RPTOR: variants seen among roughly 807,000 people sequenced by gnomAD.
RPTOR encodes the protein regulatory-associated protein of mTOR.
In RPTOR, 21 loss-of-function variants were observed where a neutral mutation model predicts 169.9. The observed-to-expected ratio is 0.12, with a 90% CI of 0.09 to 0.18. The LOEUF (loss-of-function observed/expected upper bound fraction) is 0.18, where lower values mean the gene tolerates loss of function less well. Ranked by LOEUF, RPTOR falls within the 10% of genes least tolerant of loss-of-function variation. The pLI is 1.00. For missense variants in RPTOR, 1,133 were observed against 1,855.9 expected (o/e 0.61, Z 7.16); for synonymous variants, 732 against 753.2 (o/e 0.97, Z 0.46).
intron 29 of RPTOR, among the ~76,000 whole-genome samples, chr17:80,958,679 C>T (rs2069292089): frequency 6.6e-6 from 1 of 152,172 alleles, no homozygotes; most frequent in African/African-American, 2.4e-5. Flanking sequence ...TCCCAAAGTG[C>T]TGGGATTACA....
At chr17:80,612,529 G>A (rs1599601428) in intron 1 of RPTOR, among the ~76,000 whole-genome samples, 1 of 152,160 alleles carries the variant, frequency 6.6e-6, no homozygotes. Context: ...TTCCAGTGTC[G>A]AATTATCTGA....
At position 80,708,805 on chromosome 17, in the gene RPTOR, G is replaced by A. The variant is rs116489565; in HGVS notation, c.507+806G>A. On this transcript the variant is annotated intron_variant, in intron 4 of 33. Coordinates refer to ENST00000306801, the MANE Select transcript of RPTOR (RefSeq NM_020761.3). This position sits in a 1 kb window ranked among gnomAD's most constrained non-coding sequence, Gnocchi z 4.2. Reference sequence around the variant, plus strand: ...AAAGCAGTTCTTGGAGGGTGCGGTGGCCCCATATGTGCCTGAGCGTGTCTA... The same window carrying A: ...AAAGCAGTTCTTGGAGGGTGCGGTGACCCCATATGTGCCTGAGCGTGTCTA... 6.0e-5 allele frequency: 19 copies of A among 317,830 alleles called. No individual in the cohort carries two copies. The highest frequency in any genetic ancestry group is 8.6e-5 in the Non-Finnish European group (19 of 219,668). The allele number at this position is 317,830 out of a possible 1,614,324, so 19.7% of individuals were successfully genotyped here. A position where few individuals can be genotyped will look rare whatever the true frequency, so the allele number is the denominator to read the frequency against.
intron 3 of RPTOR, among the ~76,000 whole-genome samples, chr17:80,705,313 C>G (rs114037548): frequency 0.014 from 2,131 of 152,386 alleles, 53 homozygotes; most frequent in African/African-American, 0.049. Flanking sequence ...GGAGACCACT[C>G]TGTGGCTCTA....
At chr17:80,725,760 T>C (rs946467072) in intron 4 of RPTOR, among the ~76,000 whole-genome samples, 2 of 152,224 alleles carry the variant, frequency 1.3e-5, no homozygotes, top group Non-Finnish European at 2.9e-5. Flanking sequence ...TAATCAGGAT[T>C]CGCTATCAAA....
chr17:80,578,065 G>T (rs62068273), intron 1 of RPTOR, among the ~76,000 whole-genome samples: 1 of 152,178 alleles, frequency 6.6e-6, no homozygotes, highest in Non-Finnish European at 1.5e-5. Flanking sequence ...CTAAAGAAGC[G>T]CCCTCTTTAA....
At chr17:80,640,553 A>G (rs1829852276) in intron 2 of RPTOR, among the ~76,000 whole-genome samples, 1 of 152,168 alleles carries the variant, frequency 6.6e-6, no homozygotes, top group Admixed American at 6.5e-5. Context: ...CGGCCTGGTG[A>G]GCAGCTGACA....
At chr17:80,679,383 C>T (rs568886264) in intron 3 of RPTOR, among the ~76,000 whole-genome samples, 1 of 152,336 alleles carries the variant, frequency 6.6e-6, no homozygotes, top group Non-Finnish European at 1.5e-5. Context: ...AAGAGGCTTC[C>T]GCACAGCCAC....
At position 80,545,193 on chromosome 17, in the gene RPTOR, C is replaced by G. The variant is rs2084258776; in HGVS notation, c.-437C>G. Reference sequence around the variant, plus strand: ...CCGATCCCTTGGCCGGAGACCTCAGCCCAGTCGGCCCAGTGGGCGAACCGG... The same window carrying G: ...CCGATCCCTTGGCCGGAGACCTCAGGCCAGTCGGCCCAGTGGGCGAACCGG... On this transcript the variant is annotated 5_prime_UTR_variant, in exon 1 of 34. Transcript: ENST00000306801. 1 of 235,430 alleles carries G rather than the reference C, an allele frequency of 4.2e-6. No homozygotes were observed. The highest frequency in any genetic ancestry group is 5.6e-5 in the Admixed American group (1 of 17,884). The allele number at this position is 235,430 out of a possible 1,614,324, so 14.6% of individuals were successfully genotyped here. A position where few individuals can be genotyped will look rare whatever the true frequency, so the allele number is the denominator to read the frequency against.
rs147831830 is a variant in RPTOR, at chr17:80,559,358, T to C, written c.162+13567T>C. On this transcript the variant is annotated intron_variant, in intron 1 of 33. Transcript: ENST00000306801. ...TGCTGAGTGGTCGCCTCCTGACTGA[T>C]GCTGCCCTTTTGCCATACCTGTTTG... is the stretch of plus-strand genomic sequence containing the variant. Among the ~76,000 whole-genome samples, 9 of 152,308 alleles carry C rather than the reference T, an allele frequency of 5.9e-5. No homozygotes were observed. In the East Asian group the frequency reaches 1.7e-3, roughly 29 times the overall value.
At chr17:80,796,635 GAC>G (rs1248323023) in intron 7 of RPTOR, among the ~76,000 whole-genome samples, 5 of 152,210 alleles carry the variant, frequency 3.3e-5, no homozygotes, top group African/African-American at 1.2e-4. Context: ...TTTGGGTAGA[GAC>G]ACAGAGCCAA....
At chr17:80,897,587 C>T (rs1567975373) in intron 20 of RPTOR, among the ~76,000 whole-genome samples, 1 of 152,222 alleles carries the variant, frequency 6.6e-6, no homozygotes, top group Non-Finnish European at 1.5e-5. Flanking sequence ...TGGGGGCACC[C>T]AGCGTGGTAA....
intron 20 of RPTOR, among the ~76,000 whole-genome samples, chr17:80,903,939 G>C (rs1314403257): frequency 2.6e-5 from 4 of 152,258 alleles, no homozygotes; most frequent in South Asian, 4.1e-4. Flanking sequence ...GAAGACGGTG[G>C]TGAGAAAATG....
intron 5 of RPTOR, among the ~76,000 whole-genome samples, chr17:80,742,649 A>G (rs1162805035): frequency 6.6e-6 from 1 of 150,518 alleles, no homozygotes; most frequent in Non-Finnish European, 1.5e-5. Flanking sequence ...ATGTCCACAC[A>G]TATAAACACA....
At chr17:80,671,247 G>T (rs1416652417) in intron 3 of RPTOR, among the ~76,000 whole-genome samples, 1 of 152,178 alleles carries the variant, frequency 6.6e-6, no homozygotes, top group Non-Finnish European at 1.5e-5. Context: ...GCAGCCGATG[G>T]CCTTTCCTCC....
chr17:80,805,687 A>G (rs1274402661), intron 7 of RPTOR: 1 of 152,176 alleles, frequency 6.6e-6, no homozygotes, highest in Non-Finnish European at 1.5e-5. Flanking sequence ...ATAAAAAAGA[A>G]TCTGCTTTTC....
chr17:80,743,848 CTA>C lies in RPTOR; in HGVS notation c.655-10161_655-10160del, dbSNP rs1567887498. Among the ~76,000 whole-genome samples, 216 of 121,040 alleles carry C rather than the reference CTA, an allele frequency of 1.8e-3. 8 individuals carry two copies. The highest frequency in any genetic ancestry group is 6.6e-3 in the African/African-American group (200 of 30,336). The allele number at this position is 121,040 out of a possible 152,430, so 79.4% of individuals were successfully genotyped here. ...CTGGCTACTAGCACAGCCCTGGTTA[CTA>C]GCAGAGCCCTGGCTACTAGCACAGC... On this transcript the variant is annotated intron_variant, in intron 5 of 33. Coordinates refer to ENST00000306801, the MANE Select transcript of RPTOR (RefSeq NM_020761.3).
chr17:80,671,808 C>T (rs2065823959), intron 3 of RPTOR, among the ~76,000 whole-genome samples: 1 of 152,102 alleles, frequency 6.6e-6, no homozygotes, highest in Admixed American at 6.5e-5. Flanking sequence ...ATAGGTGTAA[C>T]CAGTAGGGGA....
rs2069415584 is a variant in RPTOR, at chr17:80,965,498, CAG to C, written c.*1170_*1171del. ...GGGCGTGTATGAGCAGTTTTGCAAA[CAG>C]AACACAACCACAATGATGGTATTTT... On this transcript the variant is annotated 3_prime_UTR_variant, in exon 34 of 34. Transcript: ENST00000306801. 1 of 233,260 alleles carries C rather than the reference CAG, an allele frequency of 4.3e-6. No homozygotes were observed. Among genetic ancestry groups the C allele is most frequent in the Non-Finnish European group, 8.5e-6 (1 of 118,088 alleles). The allele number at this position is 233,260 out of a possible 1,614,324, so 14.4% of individuals were successfully genotyped here.
intron 21 of RPTOR, chr17:80,909,789 A>C (rs1054189893): frequency 6.6e-6 from 1 of 152,100 alleles, no homozygotes. Flanking sequence ...TTTTGGTTTC[A>C]TTGGTTTTTC....
Sources: gnomAD v4.1 joint callset for allele counts (sites outside exome capture counted in the v4.1 genomes callset) on GRCh38, gnomAD v4.1.1 for gene constraint, Gnocchi (gnomAD v3.1) non-coding constraint, MANE v1.5 for transcripts, NCBI Gene and HGNC (gene_info 2026-07-23, HGNC 2026-07-21) for gene names.